Variants in PKN2 observed in about 807,000 individuals in gnomAD.
PKN2 encodes the protein serine/threonine-protein kinase N2.
In PKN2, 38 loss-of-function variants were observed where a neutral mutation model predicts 119.1. The observed-to-expected ratio is 0.32, with a 90% CI of 0.25 to 0.42. PKN2 has a LOEUF of 0.42. Among genes scored for constraint, PKN2 ranks in the 10% least tolerant of loss-of-function variants. The probability of loss-of-function intolerance (pLI) is 1.00; values close to 1 mark genes in which losing one functional copy is unlikely to be tolerated. For missense variants in PKN2, 850 were observed against 1,165.1 expected (o/e 0.73, Z 3.94); for synonymous variants, 390 against 384.9 (o/e 1.01, Z -0.15).
chr1:88,730,323 CAAG>C (rs1668095864), intron 1 of PKN2, among the ~76,000 whole-genome samples: 1 of 152,156 alleles, frequency 6.6e-6, no homozygotes, highest in Non-Finnish European at 1.5e-5. Flanking sequence ...GACCCAGAAA[CAAG>C]AAGTAGAAAG....
chr1:88,689,493 A>T (rs971183525), intron 1 of PKN2, among the ~76,000 whole-genome samples: 2 of 152,154 alleles, frequency 1.3e-5, no homozygotes, highest in Non-Finnish European at 2.9e-5. Context: ...AAATATTTCA[A>T]TTATGAGTCA....
chr1:88,754,106 G>C (rs561933212), intron 2 of PKN2, among the ~76,000 whole-genome samples: 1 of 151,990 alleles, frequency 6.6e-6, no homozygotes, highest in Non-Finnish European at 1.5e-5. Flanking sequence ...GGTTGATTGG[G>C]TATCTTGAAT....
chr1:88,719,033 A>C (rs549555117), intron 1 of PKN2, among the ~76,000 whole-genome samples: 1 of 152,324 alleles, frequency 6.6e-6, no homozygotes, highest in African/African-American at 2.4e-5. Flanking sequence ...TCATTTCCAC[A>C]TCAGAAATTA....
At chr1:88,783,003 G>A (rs774540465) in intron 6 of PKN2, among the ~76,000 whole-genome samples, 25 of 152,186 alleles carry the variant, frequency 1.6e-4, no homozygotes, top group Admixed American at 3.3e-4. Context: ...ATTTAGTTTA[G>A]GGGTAATTAT....
intron 8 of PKN2, among the ~76,000 whole-genome samples, chr1:88,790,139 A>G (rs1670757638): frequency 6.6e-6 from 1 of 152,190 alleles, no homozygotes. Flanking sequence ...TCCAATTTAT[A>G]TAGCTGCTAC....
chr1:88,809,018 C>G (rs976281524), intron 15 of PKN2, among the ~76,000 whole-genome samples: 1 of 152,126 alleles, frequency 6.6e-6, no homozygotes, highest in African/African-American at 2.4e-5. Flanking sequence ...CAAATTGCAA[C>G]TTTTAATGTT....
chr1:88,749,496 A>C (rs753050320), intron 2 of PKN2, among the ~76,000 whole-genome samples: 18 of 152,146 alleles, frequency 1.2e-4, no homozygotes, highest in Non-Finnish European at 2.1e-4. Flanking sequence ...AGGTGGTATT[A>C]GTTATAAAAT....
At chr1:88,806,974 TACCAAA>T (rs1338814651) in intron 12 of PKN2, among the ~76,000 whole-genome samples, 1 of 152,118 alleles carries the variant, frequency 6.6e-6, no homozygotes, top group African/African-American at 2.4e-5. Flanking sequence ...CGCCTCGGCC[TACCAAA>T]GTGCTGGGAT....
chr1:88,814,680 G>C (rs942499881), intron 16 of PKN2, among the ~76,000 whole-genome samples: 6 of 152,040 alleles, frequency 3.9e-5, no homozygotes, highest in African/African-American at 1.4e-4. Flanking sequence ...AGCAATACCA[G>C]GTTCAAGCCA....
chr1:88,718,409 C>G (rs538587535), intron 1 of PKN2, among the ~76,000 whole-genome samples: 1 of 152,340 alleles, frequency 6.6e-6, no homozygotes, highest in South Asian at 2.1e-4. Context: ...CAGCTATTCC[C>G]TGCCCCCAGA....
At chr1:88,705,471 G>T (rs1019440238) in intron 1 of PKN2, among the ~76,000 whole-genome samples, 2 of 151,920 alleles carry the variant, frequency 1.3e-5, no homozygotes, top group Non-Finnish European at 2.9e-5. Flanking sequence ...GAGGCAGGCA[G>T]ATCACGAGGT....
chr1:88,824,299 A>G lies in PKN2; in HGVS notation c.2343-11A>G, dbSNP rs1467809069. On this transcript the variant is annotated splice_polypyrimidine_tract_variant and intron_variant, in intron 17 of 21. Coordinates refer to ENST00000370521, the MANE Select transcript of PKN2 (RefSeq NM_006256.4). ...TTTTTTTTTCATGCTGTATCTTTTT[A>G]TCCTGAACAGAGATTTGAAATTGGA... 3 of 1,463,290 alleles carry G rather than the reference A, an allele frequency of 2.1e-6. No homozygotes were observed. Among genetic ancestry groups the G allele is most frequent in the African/African-American group, 2.8e-5 (2 of 71,118 alleles). The allele number at this position is 1,463,290 out of a possible 1,614,324, so 90.6% of individuals were successfully genotyped here. A position where few individuals can be genotyped will look rare whatever the true frequency, so the allele number is the denominator to read the frequency against.
chr1:88,792,646 C>A (rs1288438323), intron 8 of PKN2, among the ~76,000 whole-genome samples: 1 of 152,006 alleles, frequency 6.6e-6, no homozygotes, highest in East Asian at 1.9e-4. Flanking sequence ...GTCTATTTTG[C>A]AAAAAATACA....
At chr1:88,775,565 T>C (rs933731620) in intron 6 of PKN2, among the ~76,000 whole-genome samples, 1 of 152,198 alleles carries the variant, frequency 6.6e-6, no homozygotes, top group African/African-American at 2.4e-5. Context: ...CAAGCTGTTA[T>C]AAACATCCAT....
At chr1:88,722,644 A>G (rs1306443263) in intron 1 of PKN2, among the ~76,000 whole-genome samples, 1 of 152,104 alleles carries the variant, frequency 6.6e-6, no homozygotes, top group Non-Finnish European at 1.5e-5. Context: ...AGCCAACCAC[A>G]GTGGCACGTG....
At chr1:88,821,569 C>T (rs1570684093) in intron 16 of PKN2, among the ~76,000 whole-genome samples, 1 of 152,270 alleles carries the variant, frequency 6.6e-6, no homozygotes, top group East Asian at 1.9e-4. Context: ...ACATGTTACG[C>T]CTTTTGCACC....
At chr1:88,699,905 C>T (rs1050595472) in intron 1 of PKN2, among the ~76,000 whole-genome samples, 1 of 152,036 alleles carries the variant, frequency 6.6e-6, no homozygotes, top group African/African-American at 2.4e-5. Flanking sequence ...GCCTCAGCTT[C>T]CCGAGTAGCT....
intron 6 of PKN2, among the ~76,000 whole-genome samples, chr1:88,781,447 T>C (rs1210444764): frequency 1.3e-5 from 2 of 149,970 alleles, no homozygotes; most frequent in Non-Finnish European, 2.9e-5. Flanking sequence ...TTCCAGACAG[T>C]TGAAAGAAAA....
chr1:88,766,169 A>G (rs936458245), intron 3 of PKN2, among the ~76,000 whole-genome samples: 4 of 152,196 alleles, frequency 2.6e-5, no homozygotes, highest in African/African-American at 9.6e-5. Flanking sequence ...TAGTGCATAT[A>G]ATAATCATCT....
Sources: allele counts gnomAD v4.1 joint callset (sites outside exome capture counted in the v4.1 genomes callset), GRCh38; gene constraint gnomAD v4.1.1; transcripts MANE v1.5; gene names NCBI Gene and HGNC (gene_info 2026-07-23, HGNC 2026-07-21).